The following CSMD3 variants were observed in gnomAD, a reference collection of about 807,000 sequenced individuals.
CSMD3 encodes the protein CUB and sushi domain-containing protein 3.
Under a neutral mutation model 435.2 loss-of-function variants are expected in CSMD3, and 177 were observed. The observed-to-expected ratio is 0.41, with a 90% CI of 0.36 to 0.46. The LOEUF (loss-of-function observed/expected upper bound fraction) is 0.46. CSMD3 is among the 20% of genes least tolerant of loss of function. CSMD3 has a pLI of 0.34. For missense variants in CSMD3, 4,265 were observed against 4,504.6 expected (o/e 0.95, Z 1.52); for synonymous variants, 1,656 against 1,520.5 (o/e 1.09, Z -2.07).
Position 112,223,717 on chromosome 8 carries a change from A to G in CSMD3, c.*1054T>C, listed in dbSNP as rs1256837013. The stretch of plus-strand genomic sequence containing the variant: ...AGTCATTATGTTTAGTGGCTAGACC[A>G]AAATATTTTTCTAATCCATTGTTAA... On this transcript the variant is annotated 3_prime_UTR_variant, in exon 71 of 71. Transcript: ENST00000297405. 1 of 152,176 alleles carries G rather than the reference A, an allele frequency of 6.6e-6. No individual in the cohort carries two copies. Among genetic ancestry groups the G allele is most frequent in the Non-Finnish European group, 1.5e-5 (1 of 68,010 alleles). 9.4% of individuals were successfully genotyped at this position (152,176 alleles called of 1,614,324 possible).
At chr8:113,360,324 C>T (rs1486828493) in intron 1 of CSMD3, among the ~76,000 whole-genome samples, 1 of 151,764 alleles carries the variant, frequency 6.6e-6, no homozygotes, top group Non-Finnish European at 1.5e-5. Context: ...GCCTCTATAA[C>T]ACTATATTTT....
chr8:113,090,355 A>T (rs2089961386), intron 5 of CSMD3, among the ~76,000 whole-genome samples: 1 of 151,672 alleles, frequency 6.6e-6, no homozygotes, highest in Non-Finnish European at 1.5e-5. Flanking sequence ...TCTTATTAAG[A>T]TGAAAAAATT....
chr8:112,945,799 T>C (rs1306348352), intron 9 of CSMD3, among the ~76,000 whole-genome samples: 1 of 151,700 alleles, frequency 6.6e-6, no homozygotes, highest in African/African-American at 2.4e-5. Flanking sequence ...CTATTTACGC[T>C]CTATAATTGA....
At chr8:113,035,209 C>T (rs1208346965) in intron 5 of CSMD3, among the ~76,000 whole-genome samples, 2 of 151,824 alleles carry the variant, frequency 1.3e-5, no homozygotes, top group African/African-American at 4.8e-5. Flanking sequence ...TCAATAAATG[C>T]TTTCCTAGAC....
intron 19 of CSMD3, among the ~76,000 whole-genome samples, chr8:112,649,322 T>C (rs1000964343): frequency 1.3e-5 from 2 of 152,224 alleles, no homozygotes; most frequent in Admixed American, 1.3e-4. Flanking sequence ...GATGTTTTGA[T>C]GAGTTGTTTA....
At chr8:112,720,495 A>C (rs2076833604) in intron 13 of CSMD3, among the ~76,000 whole-genome samples, 1 of 152,120 alleles carries the variant, frequency 6.6e-6, no homozygotes, top group African/African-American at 2.4e-5. Flanking sequence ...TCACCTACAA[A>C]ATGCTCGTTT....
chr8:112,625,124 A>G (rs185522250), intron 22 of CSMD3, among the ~76,000 whole-genome samples: 357 of 152,172 alleles, frequency 2.3e-3, no homozygotes, highest in African/African-American at 8.2e-3. Flanking sequence ...ATGACATGTT[A>G]ATATTTTTTT....
At chr8:112,633,636 T>C (rs1243389914) in intron 22 of CSMD3, among the ~76,000 whole-genome samples, 1 of 152,068 alleles carries the variant, frequency 6.6e-6, no homozygotes. Context: ...AAATTTTATT[T>C]ATTCCTCATT....
intron 10 of CSMD3, among the ~76,000 whole-genome samples, chr8:112,877,932 G>C (rs1012315543): frequency 6.6e-6 from 1 of 152,122 alleles, no homozygotes; most frequent in Admixed American, 6.6e-5. Flanking sequence ...GTGGGTTATA[G>C]ACTTAAACCT....
chr8:112,976,952 A>G (rs2084871660), intron 6 of CSMD3, among the ~76,000 whole-genome samples: 1 of 151,892 alleles, frequency 6.6e-6, no homozygotes, highest in African/African-American at 2.4e-5. Context: ...AGCATTTCAG[A>G]GTGTGTATAT....
At chr8:112,403,358 G>A (rs889889776) in intron 35 of CSMD3, among the ~76,000 whole-genome samples, 1 of 152,122 alleles carries the variant, frequency 6.6e-6, no homozygotes, top group Non-Finnish European at 1.5e-5. Flanking sequence ...AAAAGTAACA[G>A]TTCCATAGAT....
At chr8:112,333,355 C>T (rs764383234) in intron 45 of CSMD3, among the ~76,000 whole-genome samples, 6 of 152,102 alleles carry the variant, frequency 3.9e-5, no homozygotes, top group African/African-American at 1.2e-4. Context: ...TTAGTAGAGA[C>T]GGGGTTTCGC....
intron 3 of CSMD3, among the ~76,000 whole-genome samples, chr8:113,187,615 A>G (rs143217156): frequency 9.9e-4 from 151 of 152,146 alleles, no homozygotes; most frequent in African/African-American, 3.2e-3. Context: ...CACATTGACA[A>G]GAGAGTCTCA....
chr8:112,383,338 C>A, intron 37 of CSMD3, among the ~76,000 whole-genome samples: 1 of 152,010 alleles, frequency 6.6e-6, no homozygotes, highest in East Asian at 1.9e-4. Flanking sequence ...ATAAAACCAT[C>A]AATAAATAAT....
intron 22 of CSMD3, among the ~76,000 whole-genome samples, chr8:112,630,529 G>A (rs931457286): frequency 2.6e-5 from 4 of 152,024 alleles, no homozygotes; most frequent in Admixed American, 1.3e-4. Flanking sequence ...AATGCCTGCC[G>A]TGTATTATTA....
At chr8:112,472,835 T>C (rs1017002478) in intron 31 of CSMD3, 128 bp from the exon 32 acceptor site, 1 of 655,410 alleles carries the variant, frequency 1.5e-6, no homozygotes, top group South Asian at 1.7e-5. Context: ...TTGCATCTTA[T>C]AATAAGATCC....
chr8:112,657,484 T>C (rs1298028547), intron 17 of CSMD3, among the ~76,000 whole-genome samples: 1 of 152,238 alleles, frequency 6.6e-6, no homozygotes, highest in Admixed American at 6.5e-5. Context: ...TTGGTTGTTC[T>C]GCTGTTTTCA....
chr8:113,408,402 A>G (rs1345534249), intron 1 of CSMD3, among the ~76,000 whole-genome samples: 1 of 152,200 alleles, frequency 6.6e-6, no homozygotes, highest in Non-Finnish European at 1.5e-5. Context: ...TGCAACACTA[A>G]GTGAAGGAAA....
At chr8:112,982,181 G>A (rs956665814) in intron 6 of CSMD3, among the ~76,000 whole-genome samples, 2 of 151,794 alleles carry the variant, frequency 1.3e-5, no homozygotes, top group South Asian at 2.1e-4. Context: ...TGCATCATAG[G>A]TGTCATTTTT....
Sources: gnomAD v4.1 joint callset for allele counts (sites outside exome capture counted in the v4.1 genomes callset) on GRCh38, gnomAD v4.1.1 for gene constraint, MANE v1.5 for transcripts, NCBI Gene and HGNC (gene_info 2026-07-23, HGNC 2026-07-21) for gene names.